Variants in NRG3 observed in about 807,000 individuals in gnomAD.
NRG3 encodes pro-neuregulin-3, membrane-bound isoform.
Under a neutral mutation model 66.9 loss-of-function variants are expected in NRG3, and 31 were observed. The observed-to-expected ratio is 0.46, with a 90% confidence interval of 0.35 to 0.63. The LOEUF (loss-of-function observed/expected upper bound fraction) is 0.63. Among genes scored for constraint, NRG3 ranks in the 20% least tolerant of loss-of-function variants. The pLI is 0.00. For missense variants in NRG3, 910 were observed against 878.9 expected (o/e 1.04, Z -0.45); for synonymous variants, 393 against 359.4 (o/e 1.09, Z -1.06).
At chr10:82,880,548 C>G (rs771772925) in intron 4 of NRG3, among the ~76,000 whole-genome samples, 7 of 152,058 alleles carry the variant, frequency 4.6e-5, no homozygotes, top group Non-Finnish European at 8.8e-5. Context: ...TGAACTATTC[C>G]CATAATCCTT....
intron 3 of NRG3, among the ~76,000 whole-genome samples, chr10:82,783,765 G>A (rs1479666008): frequency 6.6e-6 from 1 of 152,114 alleles, no homozygotes; most frequent in Non-Finnish European, 1.5e-5. Context: ...TCAATATCGT[G>A]AAAATGGCCA....
At chr10:82,483,630 G>T (rs370524143) in intron 2 of NRG3, among the ~76,000 whole-genome samples, 1 of 151,998 alleles carries the variant, frequency 6.6e-6, no homozygotes, top group Non-Finnish European at 1.5e-5. Flanking sequence ...ACACACACAC[G>T]CCAGGCCCTA....
chr10:82,413,091 G>A (rs2088234259), intron 2 of NRG3, among the ~76,000 whole-genome samples: 1 of 152,032 alleles, frequency 6.6e-6, no homozygotes, highest in South Asian at 2.1e-4. Flanking sequence ...ATCCTTAATA[G>A]TCTTAATGGC....
At chr10:82,937,172 T>G (rs1848157330) in intron 4 of NRG3, among the ~76,000 whole-genome samples, 1 of 152,158 alleles carries the variant, frequency 6.6e-6, no homozygotes, top group African/African-American at 2.4e-5. Flanking sequence ...TCAAATTCAG[T>G]TTTTACAATG....
intron 6 of NRG3, among the ~76,000 whole-genome samples, chr10:82,965,618 C>G (rs1851135045): frequency 6.6e-6 from 1 of 151,944 alleles, no homozygotes; most frequent in Non-Finnish European, 1.5e-5. Flanking sequence ...CGCCTGTAAT[C>G]CCACCTACTC....
chr10:82,007,857 G>A lies in NRG3; in HGVS notation c.823+131694G>A, dbSNP rs561532397. On this transcript the variant is annotated intron_variant, in intron 1 of 8. Coordinates refer to ENST00000372141, the MANE Select transcript of NRG3 (RefSeq NM_001010848.4). Reference sequence around the variant, plus strand: ...GAATGACAATTGACATCTAACAATGGGAACCATAAACACTGTTGAGCTCTA... The same window carrying A: ...GAATGACAATTGACATCTAACAATGAGAACCATAAACACTGTTGAGCTCTA... Among the ~76,000 whole-genome samples, 65 of 151,890 alleles carry A rather than the reference G, an allele frequency of 4.3e-4. 1 individual carries two copies. The South Asian group carries it at 9.6e-3, about 22-fold the overall frequency.
intron 3 of NRG3, among the ~76,000 whole-genome samples, chr10:82,797,976 C>G (rs746228953): frequency 2.0e-5 from 3 of 152,060 alleles, no homozygotes; most frequent in Non-Finnish European, 4.4e-5. Flanking sequence ...ATAATCATGA[C>G]TACATTAAAA....
chr10:82,400,924 C>G (rs2087053209), intron 2 of NRG3, among the ~76,000 whole-genome samples: 2 of 152,036 alleles, frequency 1.3e-5, no homozygotes, highest in African/African-American at 4.8e-5. Flanking sequence ...TTGTTTAGTT[C>G]AAAATTGCAA....
chr10:82,013,718 G>A (rs1285265905), intron 1 of NRG3, among the ~76,000 whole-genome samples: 3 of 149,428 alleles, frequency 2.0e-5, no homozygotes, highest in South Asian at 4.3e-4. Context: ...AGTATATTCT[G>A]TTCATTATCT....
At chr10:82,181,718 G>A (rs2073430917) in intron 1 of NRG3, among the ~76,000 whole-genome samples, 1 of 151,828 alleles carries the variant, frequency 6.6e-6, no homozygotes, top group African/African-American at 2.4e-5. Context: ...TACCTGAGAA[G>A]AAAGTTTATT....
chr10:82,336,525 T>A (rs2082395952), intron 1 of NRG3, among the ~76,000 whole-genome samples: 1 of 141,318 alleles, frequency 7.1e-6, no homozygotes, highest in Admixed American at 6.8e-5. Flanking sequence ...CTTTCTTTTC[T>A]TTTCTTTTTT....
intron 1 of NRG3, among the ~76,000 whole-genome samples, chr10:82,190,648 A>G (rs2074087475): frequency 6.6e-6 from 1 of 152,148 alleles, no homozygotes; most frequent in South Asian, 2.1e-4. Context: ...TGTGACCTCA[A>G]ACAAATTGGT....
intron 1 of NRG3, chr10:82,232,637 G>T: frequency 3.2e-6 from 2 of 624,408 alleles, no homozygotes; most frequent in Non-Finnish European, 2.9e-6. Context: ...ATTATGATTT[G>T]TCAGAAATTT....
At chr10:82,346,256 T>G (rs1378795295) in intron 1 of NRG3, among the ~76,000 whole-genome samples, 14 of 150,624 alleles carry the variant, frequency 9.3e-5, no homozygotes, top group Admixed American at 4.0e-4. Flanking sequence ...TCTAATTTAT[T>G]GAGAGTTTTT....
intron 4 of NRG3, among the ~76,000 whole-genome samples, chr10:82,866,986 AT>A (rs1235237805): frequency 2.0e-5 from 3 of 152,154 alleles, no homozygotes; most frequent in African/African-American, 4.8e-5. Context: ...GAGAAAAAAA[AT>A]GTTGGTTATA....
chr10:82,303,761 G>A (rs1361049605), intron 1 of NRG3, among the ~76,000 whole-genome samples: 5 of 152,060 alleles, frequency 3.3e-5, no homozygotes, highest in South Asian at 4.2e-4. Context: ...CCAGCTACTC[G>A]GGAGGCTGAG....
rs554081615 is a variant in NRG3 at position 82,321,966 on chromosome 10, A to G, written c.824-36773A>G. Among the ~76,000 whole-genome samples, 3 of 152,342 alleles carry G rather than the reference A, an allele frequency of 2.0e-5. No homozygotes were observed. In the South Asian group the frequency reaches 6.2e-4, roughly 32 times the overall value. The stretch of plus-strand genomic sequence containing the variant: ...AGAGAATAATGGCATGATGAGGTCA[A>G]TGACAGCTCTGAAAATGACATGTTG... On this transcript the variant is annotated intron_variant, in intron 1 of 8. Coordinates refer to ENST00000372141, the MANE Select transcript of NRG3 (RefSeq NM_001010848.4).
chr10:82,104,311 G>A (rs577983180), intron 1 of NRG3, among the ~76,000 whole-genome samples: 2 of 152,224 alleles, frequency 1.3e-5, no homozygotes, highest in South Asian at 2.1e-4. Context: ...GATGCTGGCC[G>A]CTTAATAGGA....
chr10:82,678,580 G>A (rs1197854138), intron 2 of NRG3, among the ~76,000 whole-genome samples: 1 of 152,148 alleles, frequency 6.6e-6, no homozygotes, highest in African/African-American at 2.4e-5. Context: ...GGGCTCAGAG[G>A]CCTGACACCT....
Sources: gnomAD v4.1 joint callset for allele counts (sites outside exome capture counted in the v4.1 genomes callset) on GRCh38, gnomAD v4.1.1 for gene constraint, MANE v1.5 for transcripts, NCBI Gene and HGNC (gene_info 2026-07-23, HGNC 2026-07-21) for gene names.